Variants in ARSH observed in about 807,000 individuals in gnomAD.
ARSH encodes arylsulfatase H.
A neutral mutation model predicts 28.7 loss-of-function variants in ARSH; 32 were observed. That is an observed-to-expected ratio of 1.11 (90% CI 0.84 to 1.50). The LOEUF (loss-of-function observed/expected upper bound fraction) is 1.50. Ranked by LOEUF, ARSH falls within the 40% of genes most tolerant of loss-of-function variation. ARSH has a pLI of 0.00. For synonymous variants in ARSH, 176 were observed against 177.3 expected (o/e 0.99, Z 0.06); for missense variants, 440 against 452.4 (o/e 0.97, Z 0.25).
rs150615787 is a variant in ARSH at position 3,033,171 on chromosome X, C to T, written c.1475C>T (p.Ala492Val). The T allele has an allele frequency of 9.0e-4, 1,093 of 1,209,382 alleles. 5 individuals carry two copies. The East Asian group carries it at 0.02, about 22-fold the overall frequency. Residue 492 changes from alanine (A) to valine (V), a missense_variant, in exon 9 of 9, where the codon GCC becomes GTC. Coordinates refer to ENST00000381130, the MANE Select transcript of ARSH (RefSeq NM_001011719.2). ...LFDISRDPSE[A>V]LPLNPDNEPL... is the part of the protein sequence containing the mutation. Reference sequence around the variant, plus strand: ...GACATCTCAAGAGACCCTTCAGAAGCCCTTCCACTGAACCCTGACAATGAG... The same window carrying T: ...GACATCTCAAGAGACCCTTCAGAAGTCCTTCCACTGAACCCTGACAATGAG...
At chrX:3,017,509 T>C (rs2089869270) in intron 4 of ARSH, among the ~76,000 whole-genome samples, 1 of 111,701 alleles carries the variant, frequency 9.0e-6, no homozygotes, top group African/African-American at 3.3e-5. Context: ...TGAGCCATGA[T>C]TGCACCACTG....
chrX:3,019,444 C>A (rs1291481522), intron 5 of ARSH, among the ~76,000 whole-genome samples: 2 of 110,886 alleles, frequency 1.8e-5, no homozygotes, highest in Admixed American at 1.9e-4. Context: ...TAAAGAAATG[C>A]TAAGGATAAT....
In ARSH at chrX:3,023,900, C is replaced by A. The variant is rs981476585; in HGVS notation, c.902-121C>A. 4 of 696,506 alleles carry A rather than the reference C, an allele frequency of 5.7e-6. No individual in the cohort carries two copies. The South Asian group carries it at 1.2e-4, about 20-fold the overall frequency. The allele number at this position is 696,506 out of a possible 1,213,427, so 57.4% of individuals were successfully genotyped here. On this transcript the variant is annotated intron_variant, in intron 5 of 8. Coordinates refer to ENST00000381130, the MANE Select transcript of ARSH (RefSeq NM_001011719.2). ...TATTATATGATTAATTATACAATAT[C>A]GTGTAGTGCAGAATAACATTGAAAC...
At position 3,030,587 on chromosome X, in the gene ARSH, A is replaced by C. The variant is rs188653708; in HGVS notation, c.1321+1219A>C. On this transcript the variant is annotated intron_variant, in intron 8 of 8. Transcript: ENST00000381130. ...GGAAGGCACATCTTACATGGTGGAA[A>C]GCAAGAGAGAATGAGAGCCAAGCGA... 5.4e-5 allele frequency among the ~76,000 whole-genome samples: 6 copies of C among 111,889 alleles called. No homozygotes were observed. In the East Asian group the frequency reaches 1.7e-3, roughly 32 times the overall value.
At chrX:3,023,013 A>G (rs1286214623) in intron 5 of ARSH, among the ~76,000 whole-genome samples, 3 of 109,536 alleles carry the variant, frequency 2.7e-5, no homozygotes, top group Non-Finnish European at 5.7e-5. Context: ...CACGATTTGT[A>G]TAATAAAATA....
At chrX:3,010,656 A>T (rs2089844311) in intron 2 of ARSH, among the ~76,000 whole-genome samples, 1 of 112,282 alleles carries the variant, frequency 8.9e-6, no homozygotes, top group Admixed American at 9.5e-5. Flanking sequence ...ACGACAATTA[A>T]ATGTGTTCCT....
chrX:3,033,078 C>A lies in ARSH; in HGVS notation c.1382C>A (p.Ala461Asp), dbSNP rs2089918996. 3.3e-6 allele frequency: 4 copies of A among 1,210,928 alleles called. No individual in the cohort carries two copies. Among genetic ancestry groups the A allele is most frequent in the Non-Finnish European group, 4.5e-6 (4 of 895,129 alleles). Residue 461 changes from alanine to aspartate, a missense_variant, in exon 9 of 9, where the codon GCC becomes GAC. Ala to Asp is a moderately radical substitution (Grantham distance 126). Coordinates refer to ENST00000381130, the MANE Select transcript of ARSH (RefSeq NM_001011719.2). ...TPKFYPEGTG[A>D]CYGSGICSCS... The stretch of plus-strand genomic sequence containing the variant: ...AAATTCTACCCTGAAGGAACAGGTG[C>A]CTGCTATGGGAGTGGAATATGTTCA...
intron 5 of ARSH, 150 bp downstream of exon 5, chrX:3,018,820 G>A: frequency 3.6e-6 from 2 of 562,465 alleles, no homozygotes; most frequent in Non-Finnish European, 5.3e-6. Context: ...ATTAAAAGCT[G>A]GCTTTTAATT....
chrX:3,012,853 C>A (rs896387498), intron 2 of ARSH, among the ~76,000 whole-genome samples, 194 bp from the exon 3 acceptor site: 4 of 108,232 alleles, frequency 3.7e-5, no homozygotes, highest in Admixed American at 1.0e-4. Context: ...ATTCTGGCAA[C>A]CCTAATTCCA....
At chrX:3,012,502 C>G (rs1302264009) in intron 2 of ARSH, among the ~76,000 whole-genome samples, 3 of 78,986 alleles carry the variant, frequency 3.8e-5, no homozygotes, top group East Asian at 9.1e-4. Flanking sequence ...GATGTTGACA[C>G]TGCACTCCAG....
At chrX:3,011,710 T>C (rs1312745164) in intron 2 of ARSH, among the ~76,000 whole-genome samples, 1 of 112,443 alleles carries the variant, frequency 8.9e-6, no homozygotes, top group East Asian at 2.8e-4. Flanking sequence ...ATTCTACTTA[T>C]CAAAAATTTC....
chrX:3,006,803 C>T, intron 1 of ARSH, 99 bp downstream of exon 1: 1 of 721,881 alleles, frequency 1.4e-6, no homozygotes, highest in South Asian at 3.1e-5. Flanking sequence ...GGAGAGAAGT[C>T]ATTGTCTGAT....
Position 3,033,436 on chromosome X carries a change from A to G in ARSH, c.*51A>G. The G allele has an allele frequency of 1.8e-6, 2 of 1,123,180 alleles. No homozygotes were observed. Among genetic ancestry groups the G allele is most frequent in the Non-Finnish European group, 2.4e-6 (2 of 840,918 alleles). The allele number at this position is 1,123,180 out of a possible 1,213,427, so 92.6% of individuals were successfully genotyped here. On this transcript the variant is annotated 3_prime_UTR_variant, in exon 9 of 9. Coordinates refer to ENST00000381130, the MANE Select transcript of ARSH (RefSeq NM_001011719.2). ...CCACAAACTTACTGTTACAATGGTC[A>G]TAGGAGCAGAGCTCACCTGACTGAT...
chrX:3,016,579 A>G (rs1350651698), intron 4 of ARSH, among the ~76,000 whole-genome samples: 2 of 109,605 alleles, frequency 1.8e-5, no homozygotes, highest in African/African-American at 6.7e-5. Flanking sequence ...GTTACAAATT[A>G]TTACTATTAT....
intron 2 of ARSH, among the ~76,000 whole-genome samples, chrX:3,012,568 A>AAAAAAAATATAT (rs2089851233): frequency 4.6e-5 from 1 of 21,815 alleles, no homozygotes; most frequent in African/African-American, 2.5e-4. Context: ...AAAAAAAAAA[A>AAAAAAAATATAT]ATATATATAT....
chrX:3,013,476 A>T (rs1854840336), intron 3 of ARSH, among the ~76,000 whole-genome samples: 1 of 108,583 alleles, frequency 9.2e-6, no homozygotes, highest in African/African-American at 3.4e-5. Flanking sequence ...AAACCAGTAA[A>T]TTTGTAGAGA....
At chrX:3,013,567 T>A (rs1054912700) in intron 3 of ARSH, among the ~76,000 whole-genome samples, 1 of 99,752 alleles carries the variant, frequency 1.0e-5, no homozygotes, top group Non-Finnish European at 2.0e-5. Flanking sequence ...TCACTTAATA[T>A]TCTATGCCCT....
intron 2 of ARSH, among the ~76,000 whole-genome samples, chrX:3,012,592 TA>T (rs2089852998): frequency 3.9e-5 from 1 of 25,778 alleles, no homozygotes; most frequent in Non-Finnish European, 6.1e-5. Context: ...TATATATATA[TA>T]TATATAATAT....
intron 8 of ARSH, 120 bp downstream of exon 8, chrX:3,029,488 G>A (rs772107212): frequency 2.1e-5 from 19 of 902,953 alleles, no homozygotes; most frequent in Non-Finnish European, 2.7e-5. Flanking sequence ...GTTCTTTTTC[G>A]CTGAGAAAGC....
Sources: gnomAD v4.1 joint callset for allele counts (sites outside exome capture counted in the v4.1 genomes callset) on GRCh38, gnomAD v4.1.1 for gene constraint, MANE v1.5 for transcripts, NCBI Gene and HGNC (gene_info 2026-07-23, HGNC 2026-07-21) for gene names.